Variants in DPP10 observed in about 807,000 individuals in gnomAD.
DPP10 encodes the protein inactive dipeptidyl peptidase 10.
A neutral mutation model predicts 120.9 loss-of-function variants in DPP10; 33 were observed. The ratio of observed to expected loss-of-function variants is 0.27; its 90% confidence interval spans 0.21 to 0.37. DPP10 has a LOEUF of 0.37. Among genes scored for constraint, DPP10 ranks in the 10% least tolerant of loss-of-function variants. DPP10 has a pLI of 1.00. For missense variants in DPP10, 816 were observed against 942.8 expected (o/e 0.87, Z 1.76); for synonymous variants, 337 against 326.1 (o/e 1.03, Z -0.36).
In DPP10 at chr2:115,068,486, T is replaced by C. The variant is rs535016328; in HGVS notation, c.61-240753T>C. ...TTGGATATTAATCTCTCATTGTATA[T>C]ATGGCTTGCAAACAATTTCTCCCAT... On this transcript the variant is annotated intron_variant, in intron 1 of 25. Coordinates refer to ENST00000410059, the MANE Select transcript of DPP10 (RefSeq NM_020868.6). Among the ~76,000 whole-genome samples, 17 of 152,336 alleles carry C rather than the reference T, an allele frequency of 1.1e-4. No individual in the cohort carries two copies. The South Asian group carries it at 3.3e-3, about 30-fold the overall frequency.
intron 5 of DPP10, chr2:115,526,188 G>A: frequency 2.2e-6 from 1 of 452,102 alleles, no homozygotes; most frequent in Non-Finnish European, 3.9e-6. Flanking sequence ...TTTGCCCAGT[G>A]CCTGTGCTGA....
intron 4 of DPP10, among the ~76,000 whole-genome samples, chr2:115,522,804 C>T (rs924111825): frequency 1.3e-5 from 2 of 152,094 alleles, no homozygotes; most frequent in Non-Finnish European, 2.9e-5. Context: ...TATGAAGGTA[C>T]TGTAATAGCA....
chr2:115,643,273 GTTC>G (rs1224296001), intron 5 of DPP10, among the ~76,000 whole-genome samples: 4 of 152,120 alleles, frequency 2.6e-5, no homozygotes, highest in East Asian at 1.9e-4. Context: ...CAACACAATG[GTTC>G]TTCTTAATTG....
At chr2:115,199,439 CTATTAAG>C (rs1016727179) in intron 1 of DPP10, among the ~76,000 whole-genome samples, 2 of 152,002 alleles carry the variant, frequency 1.3e-5, no homozygotes, top group African/African-American at 2.4e-5. Flanking sequence ...TTTCAAATAA[CTATTAAG>C]TTGTTATCAT....
At chr2:114,704,733 A>G (rs1293278416) in intron 1 of DPP10, among the ~76,000 whole-genome samples, 2 of 152,194 alleles carry the variant, frequency 1.3e-5, no homozygotes, top group Non-Finnish European at 2.9e-5. Flanking sequence ...AATGTAATGG[A>G]CAAAATGGGG....
intron 1 of DPP10, among the ~76,000 whole-genome samples, chr2:115,072,499 T>C (rs1369395318): frequency 6.6e-6 from 1 of 152,310 alleles, no homozygotes; most frequent in Admixed American, 6.5e-5. Context: ...ACTGCTGCTA[T>C]TCTGCCTTCT....
intron 3 of DPP10, among the ~76,000 whole-genome samples, chr2:115,446,743 G>T (rs1032814881): frequency 5.3e-5 from 8 of 152,076 alleles, no homozygotes; most frequent in Admixed American, 2.0e-4. Flanking sequence ...AAAGGGATGT[G>T]CTTATTAGGT....
intron 5 of DPP10, among the ~76,000 whole-genome samples, chr2:115,671,295 G>T (rs992295644): frequency 1.3e-5 from 2 of 151,770 alleles, no homozygotes; most frequent in Non-Finnish European, 2.9e-5. Context: ...TATAAACCAA[G>T]ATGATATTTT....
At chr2:114,792,371 C>T (rs1683331426) in intron 1 of DPP10, among the ~76,000 whole-genome samples, 1 of 152,224 alleles carries the variant, frequency 6.6e-6, no homozygotes, top group Admixed American at 6.5e-5. Context: ...TACACACAAT[C>T]GAATTAGCTA....
chr2:115,804,869 T>G (rs1289013192), intron 19 of DPP10, among the ~76,000 whole-genome samples: 1 of 152,224 alleles, frequency 6.6e-6, no homozygotes, highest in African/African-American at 2.4e-5. Flanking sequence ...GTTAGGCTAC[T>G]CGGGGGTCAG....
chr2:115,386,164 A>G (rs1338133616), intron 3 of DPP10, among the ~76,000 whole-genome samples: 1 of 152,206 alleles, frequency 6.6e-6, no homozygotes, highest in Non-Finnish European at 1.5e-5. Flanking sequence ...TAATTAAAAT[A>G]CTATTAATGA....
chr2:115,043,355 A>G (rs1704811579), intron 1 of DPP10, among the ~76,000 whole-genome samples: 2 of 152,236 alleles, frequency 1.3e-5, no homozygotes, highest in South Asian at 4.1e-4. Context: ...AAATGAACAT[A>G]CTACGATCTC....
intron 1 of DPP10, among the ~76,000 whole-genome samples, chr2:115,162,428 C>G (rs943034240): frequency 6.6e-5 from 10 of 152,194 alleles, no homozygotes; most frequent in Non-Finnish European, 1.2e-4. Flanking sequence ...GTTCGAGCCC[C>G]GTCCTCCTAT....
chr2:115,041,382 A>C (rs749346752), intron 1 of DPP10, among the ~76,000 whole-genome samples: 5 of 152,150 alleles, frequency 3.3e-5, no homozygotes, highest in Admixed American at 1.3e-4. Flanking sequence ...AGCATATGAA[A>C]CAAATAATCA....
chr2:115,612,966 T>G (rs2084225621), intron 5 of DPP10, among the ~76,000 whole-genome samples: 1 of 152,116 alleles, frequency 6.6e-6, no homozygotes, highest in Non-Finnish European at 1.5e-5. Flanking sequence ...ATCAATTGTA[T>G]AAAATGGTAC....
At chr2:115,120,855 A>G (rs1373160656) in intron 1 of DPP10, among the ~76,000 whole-genome samples, 1 of 152,168 alleles carries the variant, frequency 6.6e-6, no homozygotes, top group African/African-American at 2.4e-5. Flanking sequence ...TATTTTCTTT[A>G]TAACCTTTCT....
At chr2:114,791,288 G>A (rs770064794) in intron 1 of DPP10, among the ~76,000 whole-genome samples, 1 of 152,134 alleles carries the variant, frequency 6.6e-6, no homozygotes, top group Non-Finnish European at 1.5e-5. Flanking sequence ...CATAGGCTTT[G>A]GAGTCAGGTC....
chr2:114,893,477 G>A (rs1692709965), intron 1 of DPP10, among the ~76,000 whole-genome samples: 1 of 151,948 alleles, frequency 6.6e-6, no homozygotes, highest in South Asian at 2.1e-4. Context: ...GGTGGATGGG[G>A]GAAAGTTATG....
At chr2:114,679,367 G>A (rs955049950) in intron 1 of DPP10, among the ~76,000 whole-genome samples, 1 of 151,932 alleles carries the variant, frequency 6.6e-6, no homozygotes, top group Non-Finnish European at 1.5e-5. Context: ...TTTTATAAAA[G>A]ACCCTGCTGT....
Sources: allele counts gnomAD v4.1 joint callset (sites outside exome capture counted in the v4.1 genomes callset), GRCh38; gene constraint gnomAD v4.1.1; transcripts MANE v1.5; gene names NCBI Gene and HGNC (gene_info 2026-07-23, HGNC 2026-07-21).